The following MXI1 variants were observed in gnomAD, a reference collection of about 807,000 sequenced individuals.
MXI1 encodes max-interacting protein 1.
Under a neutral mutation model 36.9 loss-of-function variants are expected in MXI1, and 18 were observed. The ratio of observed to expected loss-of-function variants is 0.49; its 90% CI spans 0.34 to 0.72. MXI1 has a LOEUF of 0.72. Among genes scored for constraint, MXI1 ranks in the 30% least tolerant of loss-of-function variants. The pLI, the probability that MXI1 is intolerant of heterozygous loss-of-function variation, is 0.01. For missense variants in MXI1, 304 were observed against 379.1 expected, an observed-to-expected ratio of 0.80 and a Z score of 1.64; for synonymous variants, 160 against 146.7, an observed-to-expected ratio of 1.09 and a Z score of -0.65.
chr10:110,279,832 T>C (rs2134471848), intron 4 of MXI1, 82 bp from the exon 5 acceptor site: 1 of 1,074,546 alleles, frequency 9.3e-7, no homozygotes, highest in South Asian at 2.2e-5. Context: ...TATTCATTCA[T>C]GTTTTCTCTG....
At chr10:110,283,528 T>G (rs974537014) in intron 5 of MXI1, among the ~76,000 whole-genome samples, 1 of 151,490 alleles carries the variant, frequency 6.6e-6, no homozygotes, top group African/African-American at 2.4e-5. Context: ...CCTCCCAAAG[T>G]GCTTGGCCGC....
chr10:110,256,720 A>G (rs1232833320), intron 3 of MXI1, among the ~76,000 whole-genome samples: 3 of 152,104 alleles, frequency 2.0e-5, no homozygotes, highest in East Asian at 3.8e-4. Context: ...CACAGTTACT[A>G]AGATGACCAT....
intron 1 of MXI1, among the ~76,000 whole-genome samples, chr10:110,209,739 G>A (rs542198247): frequency 1.3e-5 from 2 of 152,186 alleles, no homozygotes; most frequent in African/African-American, 4.8e-5. Context: ...TGGGGAGCTG[G>A]GTGAAGACGT....
intron 3 of MXI1, among the ~76,000 whole-genome samples, chr10:110,254,319 C>G (rs1025610187): frequency 1.3e-5 from 2 of 151,976 alleles, no homozygotes; most frequent in South Asian, 2.1e-4. Context: ...CAAACCATGC[C>G]CATATAAGAT....
chr10:110,225,369 A>G (rs1302775561), intron 1 of MXI1, among the ~76,000 whole-genome samples: 1 of 152,230 alleles, frequency 6.6e-6, no homozygotes, highest in East Asian at 1.9e-4. Context: ...AGTTTTAAAA[A>G]GTAAGATTAA....
At position 110,279,940 on chromosome 10, in the gene MXI1, C is replaced by T. The variant is rs991318696; in HGVS notation, c.579C>T (p.Ser193=). 6.2e-7 allele frequency: 1 copy of T among 1,607,592 alleles called. No individual in the cohort carries two copies. The highest frequency in any genetic ancestry group is 8.5e-7 in the Non-Finnish European group (1 of 1,178,020). The change falls in exon 5 of 6, where the codon AGC becomes AGT. Residue 193 remains serine, a synonymous_variant. Transcript: ENST00000332674. Reference sequence around the variant, plus strand: ...AACTTGAAGAAGCTGAAAGAAAAAGCCAGCACCAGCTCGAGAATTTGGAAC... The same window carrying T: ...AACTTGAAGAAGCTGAAAGAAAAAGTCAGCACCAGCTCGAGAATTTGGAAC... ...IKKLEEAERK[S]QHQLENLERE... is the part of the protein sequence containing the mutation.
At chr10:110,237,535 C>T (rs1036191635) in intron 2 of MXI1, among the ~76,000 whole-genome samples, 1 of 152,094 alleles carries the variant, frequency 6.6e-6, no homozygotes, top group African/African-American at 2.4e-5. Flanking sequence ...ATAAATCCTA[C>T]TTATTCATGT....
intron 3 of MXI1, among the ~76,000 whole-genome samples, chr10:110,249,604 A>ATAGTGT (rs997988078): frequency 1.7e-4 from 26 of 152,038 alleles, no homozygotes; most frequent in Non-Finnish European, 3.4e-4. Context: ...AGGTACACTA[A>ATAGTGT]TAGTGTTTTT....
chr10:110,284,525 CT>C (rs1284743254), intron 5 of MXI1, among the ~76,000 whole-genome samples: 2 of 152,168 alleles, frequency 1.3e-5, no homozygotes, highest in African/African-American at 4.8e-5. Flanking sequence ...GGGTTGGGAC[CT>C]TTTAATATTA....
rs1334628071 is a variant in MXI1, at chr10:110,256,200, C to T, written c.437+11343C>T. 3.3e-5 allele frequency among the ~76,000 whole-genome samples: 5 copies of T among 152,214 alleles called. No individual in the cohort carries two copies. The East Asian group carries it at 9.6e-4, about 29-fold the overall frequency. ...TTTTAAGAGCTAAAACAATAAAATT[C>T]TTAGAATAAAACATAAGTGTAAATC... On this transcript the variant is annotated intron_variant, in intron 3 of 5. Transcript: ENST00000332674.
intron 2 of MXI1, among the ~76,000 whole-genome samples, chr10:110,230,357 T>C (rs746806847): frequency 3.3e-5 from 5 of 152,234 alleles, no homozygotes; most frequent in Non-Finnish European, 5.9e-5. Context: ...TACTGTGTTT[T>C]AGCATAGCAT....
chr10:110,268,898 T>C (rs1193321532), intron 3 of MXI1, among the ~76,000 whole-genome samples: 1 of 152,174 alleles, frequency 6.6e-6, no homozygotes, highest in East Asian at 1.9e-4. Context: ...TAAATTTTAT[T>C]TTTCCAGAGG....
chr10:110,250,842 A>AAAT (rs955071079), intron 3 of MXI1, among the ~76,000 whole-genome samples: 7 of 150,788 alleles, frequency 4.6e-5, no homozygotes, highest in African/African-American at 1.7e-4. Context: ...AAAAAAAAAA[A>AAAT]AAAAAATAAC....
chr10:110,261,612 C>T (rs966180818), intron 3 of MXI1, among the ~76,000 whole-genome samples: 7 of 151,924 alleles, frequency 4.6e-5, no homozygotes, highest in Admixed American at 1.3e-4. Context: ...GTACCCAATC[C>T]CACTTTTTAC....
chr10:110,234,510 ATAT>A (rs1171268980), intron 2 of MXI1, among the ~76,000 whole-genome samples: 2 of 152,214 alleles, frequency 1.3e-5, no homozygotes, highest in East Asian at 1.9e-4. Context: ...CCTAACTTTT[ATAT>A]TATTATTAAT....
chr10:110,209,873 A>C (rs1019883916), intron 1 of MXI1, among the ~76,000 whole-genome samples: 1 of 151,744 alleles, frequency 6.6e-6, no homozygotes, highest in African/African-American at 2.4e-5. Context: ...CTAGGGGTAC[A>C]CCCCATGAGG....
intron 3 of MXI1, among the ~76,000 whole-genome samples, chr10:110,276,985 A>C (rs1201494558): frequency 6.6e-6 from 1 of 151,854 alleles, no homozygotes; most frequent in Non-Finnish European, 1.5e-5. Context: ...AGCTGGGATT[A>C]CAGGCGTGCA....
At chr10:110,251,531 C>G (rs995335929) in intron 3 of MXI1, among the ~76,000 whole-genome samples, 7 of 152,038 alleles carry the variant, frequency 4.6e-5, no homozygotes, top group Non-Finnish European at 1.0e-4. Flanking sequence ...AAAAATGAAA[C>G]TCACTAGTGG....
intron 3 of MXI1, chr10:110,261,140 C>A (rs957136273): frequency 2.0e-6 from 2 of 984,784 alleles, no homozygotes; most frequent in African/African-American, 3.5e-5. Flanking sequence ...GAGAAAGTAG[C>A]TACAGGTCAG....
Sources: gnomAD v4.1 joint callset for allele counts (sites outside exome capture counted in the v4.1 genomes callset) on GRCh38, gnomAD v4.1.1 for gene constraint, MANE v1.5 for transcripts, NCBI Gene and HGNC (gene_info 2026-07-23, HGNC 2026-07-21) for gene names.